ADAMTS16: variants seen among roughly 807,000 people sequenced by gnomAD.
ADAMTS16 encodes A disintegrin and metalloproteinase with thrombospondin motifs 16.
In ADAMTS16, 94 loss-of-function variants were observed where a neutral mutation model predicts 145.8. The ratio of observed to expected loss-of-function variants is 0.64; its 90% CI spans 0.55 to 0.77. The LOEUF (loss-of-function observed/expected upper bound fraction) is 0.77. Among genes scored for constraint, ADAMTS16 ranks in the 30% least tolerant of loss-of-function variants. ADAMTS16 has a pLI of 0.00. For synonymous variants in ADAMTS16, 659 were observed against 604.3 expected, an observed-to-expected ratio of 1.09 and a Z score of -1.33; for missense variants, 1,585 against 1,591.5, an observed-to-expected ratio of 1.00 and a Z score of 0.07.
chr5:5,230,520 A>G (rs1470828922), intron 11 of ADAMTS16, among the ~76,000 whole-genome samples: 1 of 152,192 alleles, frequency 6.6e-6, no homozygotes, highest in Non-Finnish European at 1.5e-5. Flanking sequence ...TGGGAGAGAG[A>G]AAGTGGACAA....
intron 18 of ADAMTS16, among the ~76,000 whole-genome samples, chr5:5,264,897 G>T (rs915259447): frequency 6.6e-6 from 1 of 152,194 alleles, no homozygotes; most frequent in Admixed American, 6.5e-5. Flanking sequence ...CACACACGAC[G>T]ATGCTCCATG....
chr5:5,204,138 T>C (rs1287377380), intron 9 of ADAMTS16, among the ~76,000 whole-genome samples: 2 of 151,980 alleles, frequency 1.3e-5, no homozygotes, highest in Non-Finnish European at 2.9e-5. Flanking sequence ...TCTGGGAAGG[T>C]CTTTGGTGGG....
At chr5:5,182,733 T>C (rs762287420) in intron 4 of ADAMTS16, among the ~76,000 whole-genome samples, 1 of 152,208 alleles carries the variant, frequency 6.6e-6, no homozygotes, top group African/African-American at 2.4e-5. Context: ...AAGGGCAGAC[T>C]CAGTGTGACA....
chr5:5,262,839 G>T (rs1299518495), intron 18 of ADAMTS16, 56 bp downstream of exon 18: 4 of 1,594,848 alleles, frequency 2.5e-6, no homozygotes, highest in Non-Finnish European at 3.4e-6. Context: ...CGTGCTCAGC[G>T]AGTCTTGCAG....
intron 18 of ADAMTS16, among the ~76,000 whole-genome samples, chr5:5,301,796 T>A (rs1268335775): frequency 6.6e-6 from 1 of 152,152 alleles, no homozygotes; most frequent in Non-Finnish European, 1.5e-5. Context: ...CTAACTCTAC[T>A]CAGCAATGCC....
In ADAMTS16 at chr5:5,166,948, C is replaced by T. The variant is rs954727395; in HGVS notation, c.502-15096C>T. Reference sequence around the variant, plus strand: ...TCCTGTATGCTCACAGCCAGCTGCTCGCTTCATCAAAGCCGTCACTGAAAT... The same window carrying T: ...TCCTGTATGCTCACAGCCAGCTGCTTGCTTCATCAAAGCCGTCACTGAAAT... On this transcript the variant is annotated intron_variant, in intron 3 of 22. Transcript: ENST00000274181. Among the ~76,000 whole-genome samples the T allele has an allele frequency of 3.0e-4, 46 of 152,292 alleles. No homozygotes were observed. In the South Asian group the frequency reaches 8.3e-3, roughly 27 times the overall value.
At chr5:5,260,031 A>C (rs1018132125) in intron 17 of ADAMTS16, among the ~76,000 whole-genome samples, 2 of 152,226 alleles carry the variant, frequency 1.3e-5, no homozygotes, top group African/African-American at 4.8e-5. Context: ...ACAGATGTTG[A>C]ATCTACAGAC....
At chr5:5,241,289 CA>C (rs1737283962) in intron 16 of ADAMTS16, among the ~76,000 whole-genome samples, 1 of 152,196 alleles carries the variant, frequency 6.6e-6, no homozygotes. Context: ...GGATCTAATA[CA>C]TTTATGAGAG....
At chr5:5,251,586 G>A (rs980806281) in intron 17 of ADAMTS16, among the ~76,000 whole-genome samples, 1 of 152,238 alleles carries the variant, frequency 6.6e-6, no homozygotes, top group Non-Finnish European at 1.5e-5. Flanking sequence ...CACACACACA[G>A]AGATTTTTAG....
At chr5:5,201,239 G>A (rs534256777) in intron 9 of ADAMTS16, among the ~76,000 whole-genome samples, 199 of 152,264 alleles carry the variant, frequency 1.3e-3, no homozygotes, top group African/African-American at 4.7e-3. Context: ...TCATATGACT[G>A]CCCAGAAGTG....
At chr5:5,176,201 A>G (rs941756296) in intron 3 of ADAMTS16, 1 of 152,254 alleles carries the variant, frequency 6.6e-6, no homozygotes, top group Admixed American at 6.5e-5. Flanking sequence ...GGCAAGGACA[A>G]TGGTGAGAAC....
intron 11 of ADAMTS16, among the ~76,000 whole-genome samples, chr5:5,229,526 TTG>T (rs1736866783): frequency 6.6e-6 from 1 of 152,036 alleles, no homozygotes; most frequent in Non-Finnish European, 1.5e-5. Context: ...GAGAGATCCT[TTG>T]TCTCAGTGTT....
At chr5:5,196,237 C>CA (rs10680781) in intron 8 of ADAMTS16, among the ~76,000 whole-genome samples, 32,228 of 94,950 alleles carry the variant, frequency 0.34, 6,693 homozygotes, top group East Asian at 0.61. Context: ...GCCTCCATCT[C>CA]AAAAAAAAAA....
At chr5:5,303,833 T>C (rs1404244950) in intron 20 of ADAMTS16, 67 bp downstream of exon 20, 1 of 1,540,382 alleles carries the variant, frequency 6.5e-7, no homozygotes, top group Middle Eastern at 2.1e-4. Flanking sequence ...TCTTCTCTCC[T>C]GGTTTTTCTC....
chr5:5,211,442 CT>C (rs1736269974), intron 10 of ADAMTS16, among the ~76,000 whole-genome samples: 1 of 151,966 alleles, frequency 6.6e-6, no homozygotes, highest in Non-Finnish European at 1.5e-5. Context: ...ATTTTTAAAT[CT>C]TTTTTTCTTA....
rs746235917 is a variant in ADAMTS16, at chr5:5,318,264, C to A, written c.3542C>A (p.Pro1181His). The change falls in exon 22 of 23, where the codon CCC becomes CAC. Residue 1181 changes from proline (P) to histidine (H), a missense_variant. Physicochemically the swap from Pro to His is moderately conservative, Grantham distance 77. Transcript: ENST00000274181. ...CTGGCCTGCAACACTCACTTCTGCC[C>A]CATTGCAGAGAAGAAAGGTGAGTAC... is the stretch of plus-strand genomic sequence containing the variant. ...ASLACNTHFC[P>H]IAEKKDAFCK... The A allele has an allele frequency of 4.0e-6, 6 of 1,511,350 alleles. No homozygotes were observed. Among genetic ancestry groups the A allele is most frequent in the Middle Eastern group, 1.8e-4 (1 of 5,648 alleles). 93.6% of individuals were successfully genotyped at this position (1,511,350 alleles called of 1,614,324 possible).
chr5:5,262,618 CATGT>C (rs1457722386), intron 17 of ADAMTS16, 35 bp from the exon 18 acceptor site: 29 of 1,595,700 alleles, frequency 1.8e-5, no homozygotes, highest in Middle Eastern at 1.7e-4. Context: ...GTGGGGCATG[CATGT>C]GAGTCTTTAT....
In ADAMTS16 at chr5:5,239,895, T is replaced by A. The variant is rs528268082; in HGVS notation, c.2493T>A (p.Thr831=). The A allele has an allele frequency of 2.8e-5, 46 of 1,614,122 alleles. No individual in the cohort carries two copies. In the South Asian group the frequency reaches 4.6e-4, roughly 16 times the overall value. The change falls in exon 16 of 23, where the codon ACT becomes ACA. Residue 831 remains threonine, a synonymous_variant. Coordinates refer to ENST00000274181, the MANE Select transcript of ADAMTS16 (RefSeq NM_139056.4). ...ATGAGCCCGAGAACTTAATCGCTAC[T>A]GGACCAACCAACGAGACACTGATTG... ...SYNEPENLIA[T]GPTNETLIVE...
chr5:5,213,822 A>C (rs1736341261), intron 10 of ADAMTS16, among the ~76,000 whole-genome samples: 1 of 152,200 alleles, frequency 6.6e-6, no homozygotes, highest in Non-Finnish European at 1.5e-5. Flanking sequence ...TTCAGCCTGC[A>C]GCTGTGGTCC....
Sources: allele counts gnomAD v4.1 joint callset (sites outside exome capture counted in the v4.1 genomes callset), GRCh38; gene constraint gnomAD v4.1.1; transcripts MANE v1.5; gene names NCBI Gene and HGNC (gene_info 2026-07-23, HGNC 2026-07-21).